Variants in RORA observed in about 807,000 individuals in gnomAD.
RORA encodes RAR related orphan receptor A.
In RORA, 7 loss-of-function variants were observed where a neutral mutation model predicts 69.5. The observed-to-expected ratio is 0.10, with a 90% CI of 0.06 to 0.19. RORA has a LOEUF of 0.19. Ranked by LOEUF, RORA falls within the 10% of genes least tolerant of loss-of-function variation. The pLI, the probability that RORA is intolerant of heterozygous loss-of-function variation, is 1.00. For missense variants in RORA, 457 were observed against 663.0 expected (o/e 0.69, Z 3.41); for synonymous variants, 261 against 240.8 (o/e 1.08, Z -0.78).
At chr15:60,856,469 C>G (rs115516850) in intron 1 of RORA, among the ~76,000 whole-genome samples, 1 of 142,382 alleles carries the variant, frequency 7.0e-6, no homozygotes, top group African/African-American at 2.6e-5. Context: ...AGATCCATCA[C>G]GATTTTAAAG....
At position 60,494,880 on chromosome 15, in the gene RORA, T is replaced by G. The variant is rs1037262061; in HGVS notation, c.*2575A>C. On this transcript the variant is annotated 3_prime_UTR_variant, in exon 11 of 11. Coordinates refer to ENST00000335670, the MANE Select transcript of RORA (RefSeq NM_134261.3). ...ATCCCTTCTGGGAAAAGGAATTTCT[T>G]TTTAAGTTCATCATTATGTTCTCTC... 2.6e-5 allele frequency: 4 copies of G among 152,230 alleles called. No homozygotes were observed. Among genetic ancestry groups the G allele is most frequent in the African/African-American group, 9.6e-5 (4 of 41,460 alleles). 9.4% of individuals were successfully genotyped at this position (152,230 alleles called of 1,614,324 possible).
chr15:60,714,040 ATCTCTC>A (rs530210589), intron 1 of RORA, among the ~76,000 whole-genome samples: 16 of 149,646 alleles, frequency 1.1e-4, no homozygotes, highest in African/African-American at 3.2e-4. Flanking sequence ...CTTCTTCATT[ATCTCTC>A]TCTCTCTCTC....
At chr15:60,707,030 G>A (rs1252468554) in intron 1 of RORA, among the ~76,000 whole-genome samples, 1 of 152,194 alleles carries the variant, frequency 6.6e-6, no homozygotes, top group East Asian at 1.9e-4. Context: ...GTCACTTGTT[G>A]TGCAAATGGA....
chr15:60,602,379 C>G (rs992887322), intron 2 of RORA, among the ~76,000 whole-genome samples: 5 of 152,072 alleles, frequency 3.3e-5, no homozygotes, highest in Non-Finnish European at 7.4e-5. Context: ...GTTATATTAT[C>G]CCAAGGTCAG....
intron 1 of RORA, among the ~76,000 whole-genome samples, chr15:61,009,114 A>G (rs1895009195): frequency 6.6e-6 from 1 of 152,216 alleles, no homozygotes; most frequent in African/African-American, 2.4e-5. Context: ...GTCATATGCC[A>G]TTAGTGATTC....
intron 1 of RORA, among the ~76,000 whole-genome samples, chr15:60,996,105 C>G (rs557781466): frequency 6.6e-6 from 1 of 150,544 alleles, no homozygotes; most frequent in African/African-American, 2.4e-5. Context: ...GAGTCTCACT[C>G]TGTTGCCCAG....
intron 1 of RORA, among the ~76,000 whole-genome samples, chr15:60,899,221 T>C (rs546175047): frequency 6.6e-6 from 1 of 152,186 alleles, no homozygotes; most frequent in Non-Finnish European, 1.5e-5. Flanking sequence ...CCAGGGAAGA[T>C]CTCATAGAAG....
intron 1 of RORA, among the ~76,000 whole-genome samples, chr15:60,815,942 GTATATATACTATAAATAGTA>G (rs1199148840): frequency 1.6e-5 from 2 of 127,530 alleles, no homozygotes; most frequent in African/African-American, 6.3e-5. Context: ...TATAAATAGT[GTATATATACTATAAATAGTA>G]TATGTATTTA....
At chr15:60,894,817 T>C (rs729978) in intron 1 of RORA, among the ~76,000 whole-genome samples, 45,758 of 151,994 alleles carry the variant, frequency 0.3, 7,153 homozygotes, top group South Asian at 0.42. Context: ...GTGTTAGGAC[T>C]TCATTAAAAT....
At chr15:60,911,069 A>ATTTTTTTTTTTTT (rs528370848) in intron 1 of RORA, among the ~76,000 whole-genome samples, 1 of 89,700 alleles carries the variant, frequency 1.1e-5, no homozygotes. Flanking sequence ...TGCCCAGCTA[A>ATTTTTTTTTTTTT]TTTTTTTTTT....
chr15:60,519,355 T>C (rs1400172201), intron 3 of RORA, among the ~76,000 whole-genome samples: 1 of 152,198 alleles, frequency 6.6e-6, no homozygotes, highest in African/African-American at 2.4e-5. Context: ...ATTCCCCTGG[T>C]TTTAAGGCTG....
intron 1 of RORA, among the ~76,000 whole-genome samples, chr15:60,921,872 T>G (rs747823337): frequency 6.6e-6 from 1 of 152,172 alleles, no homozygotes; most frequent in African/African-American, 2.4e-5. Context: ...ACATGGTAGG[T>G]GCTCAATATA....
intron 1 of RORA, among the ~76,000 whole-genome samples, chr15:60,930,173 T>C (rs919304211): frequency 5.9e-5 from 9 of 152,320 alleles, no homozygotes; most frequent in African/African-American, 1.9e-4. Context: ...GGTAGAGCTC[T>C]AGCCCATCAT....
At chr15:60,514,842 G>T in intron 3 of RORA, 85 bp from the exon 4 acceptor site, 3 of 973,334 alleles carry the variant, frequency 3.1e-6, no homozygotes, top group Non-Finnish European at 3.1e-6. Context: ...GCACTGAGTG[G>T]CATTAATATT....
At chr15:60,639,480 C>T (rs577398857) in intron 2 of RORA, among the ~76,000 whole-genome samples, 29 of 152,182 alleles carry the variant, frequency 1.9e-4, no homozygotes, top group Non-Finnish European at 3.2e-4. Context: ...TGGATCTCCA[C>T]GTCCCGGCTT....
intron 2 of RORA, among the ~76,000 whole-genome samples, chr15:60,637,973 G>C (rs1037468235): frequency 4.6e-5 from 7 of 152,124 alleles, no homozygotes; most frequent in African/African-American, 1.7e-4. Flanking sequence ...ACGATGCAGT[G>C]TTAGCTCTTG....
chr15:60,720,581 G>T (rs1031344066), intron 1 of RORA, among the ~76,000 whole-genome samples: 3 of 152,058 alleles, frequency 2.0e-5, no homozygotes, highest in African/African-American at 4.8e-5. Flanking sequence ...TGGTATTCTG[G>T]GTGCTGATGG....
At chr15:60,985,420 T>G (rs1250397122) in intron 1 of RORA, among the ~76,000 whole-genome samples, 1 of 152,128 alleles carries the variant, frequency 6.6e-6, no homozygotes, top group East Asian at 1.9e-4. Flanking sequence ...CGTTTCGCCC[T>G]GAGAGCAATC....
intron 1 of RORA, among the ~76,000 whole-genome samples, chr15:61,155,468 A>G (rs546255678): frequency 6.6e-6 from 1 of 152,302 alleles, no homozygotes; most frequent in Non-Finnish European, 1.5e-5. Flanking sequence ...TTGAGAAGGA[A>G]AAAACAGTGT....
Sources: allele counts gnomAD v4.1 joint callset (sites outside exome capture counted in the v4.1 genomes callset), GRCh38; gene constraint gnomAD v4.1.1; transcripts MANE v1.5; gene names NCBI Gene and HGNC (gene_info 2026-07-23, HGNC 2026-07-21).